The following RNLS variants were observed in gnomAD, a reference collection of about 807,000 sequenced individuals.
RNLS encodes renalase.
In RNLS, 39 loss-of-function variants were observed where a neutral mutation model predicts 39.8. The observed-to-expected ratio is 0.98, with a 90% CI of 0.76 to 1.28. RNLS has a LOEUF of 1.28. Ranked by LOEUF, RNLS falls within the 50% of genes most tolerant of loss-of-function variation. The pLI is 0.00. For missense variants in RNLS, 410 were observed against 413.3 expected (o/e 0.99, Z 0.07); for synonymous variants, 147 against 150.7 (o/e 0.98, Z 0.18).
At chr10:88,189,592 C>T in the RNLS span, among the ~76,000 whole-genome samples, 1 of 152,180 alleles carries the variant, frequency 6.6e-6, no homozygotes, top group Admixed American at 6.5e-5. Context: ...CTTTCTTATG[C>T]CAGGGACTAC....
chr10:88,431,057 T>C (rs1366371370), intron 4 of RNLS, among the ~76,000 whole-genome samples: 3 of 151,742 alleles, frequency 2.0e-5, no homozygotes, highest in Admixed American at 6.6e-5. Flanking sequence ...ATTGGTATTA[T>C]GTCTTAAATA....
intron 4 of RNLS, among the ~76,000 whole-genome samples, chr10:88,456,903 G>T (rs549752280): frequency 1.7e-3 from 264 of 152,256 alleles, no homozygotes; most frequent in Middle Eastern, 3.4e-3. Context: ...TTTCTTCACG[G>T]CCTTCTTGCA....
At chr10:88,453,168 G>A (rs1659198210) in intron 4 of RNLS, among the ~76,000 whole-genome samples, 1 of 152,210 alleles carries the variant, frequency 6.6e-6, no homozygotes, top group Admixed American at 6.5e-5. Context: ...GTTGCAAGGA[G>A]TACACCGTAG....
chr10:88,337,396 C>T (rs1847581925), intron 5 of RNLS, among the ~76,000 whole-genome samples: 1 of 152,186 alleles, frequency 6.6e-6, no homozygotes, highest in Non-Finnish European at 1.5e-5. Flanking sequence ...CCTCTACTTT[C>T]AGCCTTGATG....
rs533011863 is a variant in RNLS at position 88,451,985 on chromosome 10, A to G, written c.527-89260T>C. Among the ~76,000 whole-genome samples, 168 of 152,354 alleles carry G rather than the reference A, an allele frequency of 1.1e-3. 1 individual carries two copies. The highest frequency in any genetic ancestry group is 3.9e-3 in the African/African-American group (161 of 41,592). On this transcript the variant is annotated intron_variant, in intron 4 of 6. Coordinates refer to ENST00000331772, the MANE Select transcript of RNLS (RefSeq NM_001031709.3). ...ATAACCCACTGCAAGTTGCCTAACT[A>G]GAAGGAGTCTCTGTCTTTTCATATG...
the RNLS span, among the ~76,000 whole-genome samples, chr10:88,239,193 G>C: frequency 1.3e-5 from 2 of 152,110 alleles, no homozygotes; most frequent in Non-Finnish European, 2.9e-5. Flanking sequence ...CAAATGGCCA[G>C]CACATGTCGA....
chr10:88,534,357 T>A (rs149498598), intron 4 of RNLS, among the ~76,000 whole-genome samples: 14 of 152,222 alleles, frequency 9.2e-5, no homozygotes, highest in African/African-American at 2.4e-4. Flanking sequence ...GACATGAACA[T>A]CCTCACCTTT....
intron 4 of RNLS, among the ~76,000 whole-genome samples, chr10:88,560,036 C>T (rs1849086196): frequency 1.3e-5 from 2 of 151,748 alleles, no homozygotes; most frequent in African/African-American, 2.4e-5. Flanking sequence ...ATCAGGATAA[C>T]TGGAATACCT....
At chr10:88,322,261 C>A (rs1196586685) in intron 5 of RNLS, among the ~76,000 whole-genome samples, 1 of 152,158 alleles carries the variant, frequency 6.6e-6, no homozygotes, top group African/African-American at 2.4e-5. Flanking sequence ...CTCCAACGAA[C>A]TAGGCATCAA....
chr10:88,284,157 C>T lies in RNLS; in HGVS notation c.*1197G>A, dbSNP rs1843122856. The stretch of plus-strand genomic sequence containing the variant: ...CTAAGAGGAAACATATAATAATATG[C>T]TATAGGGTCATAAAACCCACTTTGC... On this transcript the variant is annotated 3_prime_UTR_variant, in exon 7 of 7. Coordinates refer to ENST00000331772, the MANE Select transcript of RNLS (RefSeq NM_001031709.3). 2 of 985,056 alleles carry T rather than the reference C, an allele frequency of 2.0e-6. No homozygotes were observed. Among genetic ancestry groups the T allele is most frequent in the Non-Finnish European group, 2.4e-6 (2 of 829,780 alleles). 61.0% of individuals were successfully genotyped at this position (985,056 alleles called of 1,614,324 possible). A position where few individuals can be genotyped will look rare whatever the true frequency, so the allele number is the denominator to read the frequency against.
chr10:88,308,494 A>G (rs1190509917), intron 6 of RNLS, among the ~76,000 whole-genome samples: 1 of 152,198 alleles, frequency 6.6e-6, no homozygotes, highest in East Asian at 1.9e-4. Context: ...GACACTTCAA[A>G]AGCAGACATA....
the RNLS span, among the ~76,000 whole-genome samples, chr10:88,194,217 G>T: frequency 6.6e-6 from 1 of 152,218 alleles, no homozygotes; most frequent in Admixed American, 6.5e-5. Flanking sequence ...TTGTGGAGGG[G>T]TGTACTCTGC....
Position 88,382,610 on chromosome 10 carries a change from TTAAGAC to T in RNLS, c.527-19891_527-19886del, listed in dbSNP as rs972538944. 2.6e-5 allele frequency among the ~76,000 whole-genome samples: 4 copies of T among 152,258 alleles called. No homozygotes were observed. The East Asian group carries it at 5.8e-4, about 22-fold the overall frequency. On this transcript the variant is annotated intron_variant, in intron 4 of 6. Coordinates refer to ENST00000331772, the MANE Select transcript of RNLS (RefSeq NM_001031709.3). ...AATTATCCAGATAGAACAAACCTGT[TTAAGAC>T]TATTAGCTTTTTGGTGAGAACAGTT...
At chr10:88,264,991 C>T in the RNLS span, among the ~76,000 whole-genome samples, 126 of 152,262 alleles carry the variant, frequency 8.3e-4, 1 homozygote, top group Middle Eastern at 3.4e-3. Context: ...AGTCTTTGAT[C>T]CTTCTTGAGT....
intron 4 of RNLS, among the ~76,000 whole-genome samples, chr10:88,525,126 G>A (rs374967390): frequency 5.9e-5 from 9 of 151,430 alleles, no homozygotes; most frequent in East Asian, 3.9e-4. Flanking sequence ...GTGTGTTTGT[G>A]TGTATGTGTG....
the RNLS span, among the ~76,000 whole-genome samples, chr10:88,231,856 A>T: frequency 6.6e-6 from 1 of 152,172 alleles, no homozygotes; most frequent in Non-Finnish European, 1.5e-5. Flanking sequence ...AACAGAATTA[A>T]ACAACAAAAA....
intron 5 of RNLS, among the ~76,000 whole-genome samples, chr10:88,332,865 AC>A (rs1847212932): frequency 6.6e-6 from 1 of 152,182 alleles, no homozygotes; most frequent in Admixed American, 6.5e-5. Context: ...ACTATGATGT[AC>A]CATTTAAGAT....
chr10:88,314,716 G>T, intron 5 of RNLS, 75 bp from the exon 6 acceptor site: 2 of 1,344,942 alleles, frequency 1.5e-6, no homozygotes, highest in Non-Finnish European at 2.1e-6. Flanking sequence ...TTTCAATTCA[G>T]ACTTAAGAAC....
intron 4 of RNLS, among the ~76,000 whole-genome samples, chr10:88,496,045 A>G (rs959967320): frequency 6.6e-6 from 1 of 152,176 alleles, no homozygotes; most frequent in South Asian, 2.1e-4. Context: ...TTTGCTTTCC[A>G]TATGGGTTGC....
Sources: gnomAD v4.1 joint callset for allele counts (sites outside exome capture counted in the v4.1 genomes callset) on GRCh38, gnomAD v4.1.1 for gene constraint, MANE v1.5 for transcripts, NCBI Gene and HGNC (gene_info 2026-07-23, HGNC 2026-07-21) for gene names.